ATG2B: variants seen among roughly 807,000 people sequenced by gnomAD.
ATG2B encodes autophagy-related protein 2 homolog B.
Under a neutral mutation model 241.3 loss-of-function variants are expected in ATG2B, and 121 were observed. The ratio of observed to expected loss-of-function variants is 0.50; its 90% confidence interval spans 0.43 to 0.58. ATG2B has a LOEUF of 0.58. ATG2B is among the 20% of genes least tolerant of loss of function. ATG2B has a pLI of 0.00. For synonymous variants in ATG2B, 858 were observed against 876.6 expected, an observed-to-expected ratio of 0.98 and a Z score of 0.37; for missense variants, 2,306 against 2,491.6, an observed-to-expected ratio of 0.93 and a Z score of 1.59.
intron 1 of ATG2B, among the ~76,000 whole-genome samples, chr14:96,357,872 A>G (rs975106386): frequency 3.3e-5 from 5 of 152,180 alleles, no homozygotes; most frequent in African/African-American, 4.8e-5. Flanking sequence ...CATACCTCAT[A>G]TATTTCTTTA....
chr14:96,308,219 A>AATATATATACATATATATAT (rs1887012657), intron 29 of ATG2B, among the ~76,000 whole-genome samples: 1 of 74,036 alleles, frequency 1.4e-5, no homozygotes, highest in African/African-American at 4.8e-5. Flanking sequence ...TAAATACATA[A>AATATATATACATATATATAT]ATATATATAT....
intron 1 of ATG2B, among the ~76,000 whole-genome samples, chr14:96,349,392 G>A (rs1251416687): frequency 6.6e-6 from 1 of 152,194 alleles, no homozygotes; most frequent in African/African-American, 2.4e-5. Flanking sequence ...GTGATGTGAA[G>A]CCACTGAAGG....
Position 96,332,529 on chromosome 14 carries a change from G to T in ATG2B, c.1334C>A (p.Pro445Gln). The T allele has an allele frequency of 6.2e-7, 1 of 1,610,350 alleles. No homozygotes were observed. ...AGTAGCACTTAATGGAGATCCTGCTGGGGTATTTGTATATGTACTAGTTAA... is the reference window on the plus strand; with the variant it reads ...AGTAGCACTTAATGGAGATCCTGCTTGGGTATTTGTATATGTACTAGTTAA... ...LSLTSTYTNT[P>Q]AGSPLSATVL... The change falls in exon 9 of 42, where the codon CCA becomes CAA. Residue 445 changes from proline (P) to glutamine (Q), a missense_variant. By Grantham distance (76) the Pro-to-Gln change is moderately conservative. Around this residue, in one of 2 missense-constraint regions of ATG2B, gnomAD observed 1,927 missense variants for 2,011.2 expected, o/e 0.96. Transcript: ENST00000359933.
In ATG2B at chr14:96,324,089, T is replaced by C; in HGVS notation, c.2438-91A>G. On this transcript the variant is annotated intron_variant, in intron 15 of 41. Coordinates refer to ENST00000359933, the MANE Select transcript of ATG2B (RefSeq NM_018036.7). ...GCAAAGATCCTCTCAATCAGGAACATAATGCAACCTTAAGTTCTACAGCAT... is the reference window on the plus strand; with the variant it reads ...GCAAAGATCCTCTCAATCAGGAACACAATGCAACCTTAAGTTCTACAGCAT... 1.1e-5 allele frequency: 9 copies of C among 802,812 alleles called. No individual in the cohort carries two copies. In the South Asian group the frequency reaches 1.5e-4, roughly 14 times the overall value. The allele number at this position is 802,812 out of a possible 1,614,324, so 49.7% of individuals were successfully genotyped here. A position where few individuals can be genotyped will look rare whatever the true frequency, so the allele number is the denominator to read the frequency against.
Position 96,325,958 on chromosome 14 carries a change from TAAAG to T in ATG2B, c.2164-40_2164-37del, listed in dbSNP as rs551391538. Reference sequence around the variant, plus strand: ...AAACATCAAAAATATGCCAAAATATTAAAGTAAATGAACATAAATTACACAGTAT... The same window carrying T: ...AAACATCAAAAATATGCCAAAATATTTAAATGAACATAAATTACACAGTAT... On this transcript the variant is annotated intron_variant, in intron 14 of 41. Transcript: ENST00000359933. 352 of 1,591,454 alleles carry T rather than the reference TAAAG, an allele frequency of 2.2e-4. 6 individuals carry two copies. The African/African-American group carries it at 4.0e-3, about 18-fold the overall frequency.
chr14:96,356,301 C>T (rs1366726217), intron 1 of ATG2B, among the ~76,000 whole-genome samples: 2 of 152,188 alleles, frequency 1.3e-5, no homozygotes, highest in Middle Eastern at 3.4e-3. Context: ...AATAACCCTC[C>T]GAATTAGGTA....
chr14:96,299,763 T>A (rs199921467), intron 34 of ATG2B, among the ~76,000 whole-genome samples: 1 of 152,192 alleles, frequency 6.6e-6, no homozygotes, highest in Non-Finnish European at 1.5e-5. Flanking sequence ...TCAATGGCAA[T>A]GCAGCTTTTT....
rs758841093 is a variant in ATG2B at position 96,315,392 on chromosome 14, T to G, written c.3553A>C (p.Asn1185His). 1 of 1,613,944 alleles carries G rather than the reference T, an allele frequency of 6.2e-7. No homozygotes were observed. The highest frequency in any genetic ancestry group is 1.1e-5 in the South Asian group (1 of 91,080). The change falls in exon 22 of 42, where the codon AAT (asparagine) becomes CAT (histidine). Residue 1185 changes from asparagine (N) to histidine (H), a missense_variant. Physicochemically the swap from Asn to His is moderately conservative, Grantham distance 68. Around this residue, in one of 2 missense-constraint regions of ATG2B, gnomAD observed 1,927 missense variants for 2,011.2 expected, o/e 0.96. Transcript: ENST00000359933. ...VKILSDKSESNTKEFLIAVGL... is the reference protein window; with the variant it reads ...VKILSDKSESHTKEFLIAVGL... Reference sequence around the variant, plus strand: ...AAGTACAAAACACAAACCTTTGTATTGGACTCTGATTTATCAGACAATATT... The same window carrying G: ...AAGTACAAAACACAAACCTTTGTATGGGACTCTGATTTATCAGACAATATT...
At chr14:96,316,260 T>C (rs930688182) in intron 21 of ATG2B, among the ~76,000 whole-genome samples, 1 of 152,204 alleles carries the variant, frequency 6.6e-6, no homozygotes, top group Non-Finnish European at 1.5e-5. Flanking sequence ...TTGACTATGG[T>C]GACGGTTGCA....
chr14:96,313,342 C>T lies in ATG2B; in HGVS notation c.3736G>A (p.Ala1246Thr), dbSNP rs746928385. ...TTFHVHLWSCALDYRPLYLPI... is the reference protein window; with the variant it reads ...TTFHVHLWSCTLDYRPLYLPI... ...TTGTGAACTTACCTATAATCAAGTG[C>T]ACAGCTCCAAAGATGAACATGAAAA... The change falls in exon 24 of 42, where the codon GCA (alanine) becomes ACA (threonine). Residue 1246 changes from alanine (A) to threonine (T), a missense_variant. This residue lies in a region of ATG2B where 1,927 missense variants were observed against 2,011.2 expected (regional missense o/e 0.96). Coordinates refer to ENST00000359933, the MANE Select transcript of ATG2B (RefSeq NM_018036.7). The T allele has an allele frequency of 6.3e-7, 1 of 1,586,058 alleles. No homozygotes were observed. The highest frequency in any genetic ancestry group is 8.5e-7 in the Non-Finnish European group (1 of 1,170,660).
Position 96,315,176 on chromosome 14 carries a change from G to A in ATG2B, c.3620C>T (p.Ser1207Phe), listed in dbSNP as rs201113967. Residue 1207 changes from serine to phenylalanine, a missense_variant, in exon 23 of 42, where the codon TCT (serine) becomes TTT (phenylalanine). Physicochemically the swap from Ser to Phe is radical, Grantham distance 155. This residue lies in a region of ATG2B where 1,927 missense variants were observed against 2,011.2 expected (regional missense o/e 0.96). Coordinates refer to ENST00000359933, the MANE Select transcript of ATG2B (RefSeq NM_018036.7). ...GATLQHRMLPSGLSWHEQILY... is the reference protein window; with the variant it reads ...GATLQHRMLPFGLSWHEQILY... Reference sequence around the variant, plus strand: ...TACCTGCTCATGCCAGCTAAGCCCAGAAGGAAGCATTCTATGCTGGAGAGT... The same window carrying A: ...TACCTGCTCATGCCAGCTAAGCCCAAAAGGAAGCATTCTATGCTGGAGAGT... The A allele has an allele frequency of 2.1e-4, 343 of 1,613,948 alleles. No individual in the cohort carries two copies. Among genetic ancestry groups the A allele is most frequent in the Middle Eastern group, 3.3e-4 (2 of 6,084 alleles).
At position 96,290,729 on chromosome 14, in the gene ATG2B, G is replaced by A; in HGVS notation, c.5701+85C>T. ...ACATATGTGAGTTTTCTAGACTAAT[G>A]GTCCTCACATAAGTTCTCAAAGGGA... On this transcript the variant is annotated intron_variant, in intron 39 of 41. Coordinates refer to ENST00000359933, the MANE Select transcript of ATG2B (RefSeq NM_018036.7). The surrounding 1 kb of genome is among the most constrained non-coding windows in gnomAD (Gnocchi z 4.4). The A allele has an allele frequency of 6.5e-7, 1 of 1,539,860 alleles. No individual in the cohort carries two copies.
At position 96,284,278 on chromosome 14, in the gene ATG2B, G is replaced by A. The variant is rs1056991419; in HGVS notation, c.*1477C>T. The A allele has an allele frequency of 5.9e-5, 9 of 152,144 alleles. No individual in the cohort carries two copies. In the South Asian group the frequency reaches 1.0e-3, roughly 18 times the overall value. 9.4% of individuals were successfully genotyped at this position (152,144 alleles called of 1,614,324 possible). A position where few individuals can be genotyped will look rare whatever the true frequency, so the allele number is the denominator to read the frequency against. On this transcript the variant is annotated 3_prime_UTR_variant, in exon 42 of 42. Coordinates refer to ENST00000359933, the MANE Select transcript of ATG2B (RefSeq NM_018036.7). ...CCACGGTGCTTAAACAGGTGGTTAC[G>A]CTGTTGTCTTTTTAAGTTTTTTGGC...
Position 96,311,552 on chromosome 14 carries a change from T to G in ATG2B, c.3980A>C (p.Asp1327Ala). Residue 1327 changes from aspartate to alanine, a missense_variant, in exon 27 of 42, where the codon GAT (aspartate) becomes GCT (alanine). Physicochemically the swap from Asp to Ala is moderately radical, Grantham distance 126. Around this residue, in one of 2 missense-constraint regions of ATG2B, gnomAD observed 1,927 missense variants for 2,011.2 expected, o/e 0.96. Transcript: ENST00000359933. ...LTITAVKSDS[D>A]GEQTEPRFEL... ...ATTTTAATAACTCACTTGCTCTCCA[T>G]CAGAATCAGACTTCACTGCAGTTAT... The G allele has an allele frequency of 6.2e-7, 1 of 1,603,484 alleles. No homozygotes were observed. The highest frequency in any genetic ancestry group is 2.2e-5 in the East Asian group (1 of 44,658).
At chr14:96,292,816 T>G (rs1033228010) in intron 36 of ATG2B, among the ~76,000 whole-genome samples, 1 of 152,232 alleles carries the variant, frequency 6.6e-6, no homozygotes, top group Non-Finnish European at 1.5e-5. Context: ...TGAAGTGGAT[T>G]GCTTCCAGGG....
intron 34 of ATG2B, among the ~76,000 whole-genome samples, chr14:96,295,853 G>A (rs1886625821): frequency 6.6e-6 from 1 of 152,032 alleles, no homozygotes; most frequent in African/African-American, 2.4e-5. Flanking sequence ...AAGTAAAAAG[G>A]ACTAAATCAA....
chr14:96,307,229 T>C (rs942814155), intron 29 of ATG2B, among the ~76,000 whole-genome samples: 5 of 151,894 alleles, frequency 3.3e-5, no homozygotes, highest in African/African-American at 1.2e-4. Flanking sequence ...CTGGCCAACA[T>C]GATGAAACCC....
intron 28 of ATG2B, 58 bp downstream of exon 28, chr14:96,311,059 A>G: frequency 1.4e-6 from 2 of 1,462,974 alleles, no homozygotes; most frequent in Non-Finnish European, 9.2e-7. Context: ...GAAGACCTCA[A>G]TAATGTAAAC....
In ATG2B at chr14:96,345,315, A is replaced by C. The variant is rs1167863178; in HGVS notation, c.396T>G (p.Leu132=). ...TSSMQLAKEC[L]SQKLTDEQGE... ...CTTGTTCATCTGTTAGTTTCTGGCT[A>C]AGACATTCTTTTGCCAATTGCATAC... is the stretch of plus-strand genomic sequence containing the variant. The change falls in exon 3 of 42, where the codon CTT becomes CTG. Residue 132 remains leucine, a synonymous_variant. Transcript: ENST00000359933. The C allele has an allele frequency of 1.2e-6, 2 of 1,613,444 alleles. No individual in the cohort carries two copies. The highest frequency in any genetic ancestry group is 1.7e-6 in the Non-Finnish European group (2 of 1,179,590).
Sources: gnomAD v4.1 joint callset for allele counts (sites outside exome capture counted in the v4.1 genomes callset) on GRCh38, gnomAD v4.1.1 for gene constraint, gnomAD v4.1.1 regional missense constraint, Gnocchi (gnomAD v3.1) non-coding constraint, MANE v1.5 for transcripts, NCBI Gene and HGNC (gene_info 2026-07-23, HGNC 2026-07-21) for gene names.